PTPRD: variants seen among roughly 807,000 people sequenced by gnomAD.
PTPRD encodes receptor-type tyrosine-protein phosphatase delta.
PTPRD carries 34 observed loss-of-function variants against 214.5 expected under a neutral mutation model. The ratio of observed to expected loss-of-function variants is 0.16; its 90% CI spans 0.12 to 0.21. The LOEUF (loss-of-function observed/expected upper bound fraction) is 0.21. PTPRD is among the 10% of genes least tolerant of loss of function. The pLI is 1.00. For synonymous variants in PTPRD, 1,128 were observed against 845.7 expected, an observed-to-expected ratio of 1.33 and a Z score of -5.79; for missense variants, 2,545 against 2,398.7, an observed-to-expected ratio of 1.06 and a Z score of -1.27.
At chr9:8,723,981 T>C (rs562637871) in intron 12 of PTPRD, among the ~76,000 whole-genome samples, 12 of 152,336 alleles carry the variant, frequency 7.9e-5, no homozygotes, top group East Asian at 3.9e-4. Flanking sequence ...TGAAAACCTA[T>C]TGCAAATTGT....
chr9:9,881,477 TC>T (rs1287207973), intron 5 of PTPRD, among the ~76,000 whole-genome samples: 8 of 152,130 alleles, frequency 5.3e-5, no homozygotes, highest in Admixed American at 3.3e-4. Flanking sequence ...TTACATTATT[TC>T]TCCTCCACCG....
At chr9:10,170,725 T>G (rs990987038) in intron 3 of PTPRD, among the ~76,000 whole-genome samples, 2 of 152,164 alleles carry the variant, frequency 1.3e-5, no homozygotes, top group African/African-American at 4.8e-5. Context: ...AACAATACAG[T>G]TAGTCACAAC....
intron 2 of PTPRD, among the ~76,000 whole-genome samples, chr9:10,511,991 T>TGTGTGTATATATATATAC (rs1349180237): frequency 3.4e-5 from 2 of 58,492 alleles, no homozygotes; most frequent in Non-Finnish European, 7.2e-5. Flanking sequence ...TATATATACG[T>TGTGTGTATATATATATAC]GTGTGTATAT....
intron 2 of PTPRD, among the ~76,000 whole-genome samples, chr9:10,346,714 A>G (rs991482706): frequency 2.0e-4 from 30 of 152,116 alleles, no homozygotes; most frequent in Non-Finnish European, 1.6e-4. Context: ...TGATCTGGTA[A>G]TGAGAGAGGA....
At chr9:10,588,015 C>A (rs1172052822) in intron 2 of PTPRD, among the ~76,000 whole-genome samples, 2 of 151,908 alleles carry the variant, frequency 1.3e-5, no homozygotes, top group Non-Finnish European at 1.5e-5. Flanking sequence ...ATTCCAGTAC[C>A]AAGTAGCTAA....
At chr9:10,022,657 G>C (rs1345291266) in intron 4 of PTPRD, among the ~76,000 whole-genome samples, 1 of 152,030 alleles carries the variant, frequency 6.6e-6, no homozygotes, top group Non-Finnish European at 1.5e-5. Context: ...CTAAACTATA[G>C]GAAAAAAATC....
rs1598753569 is a variant in PTPRD at position 9,821,052 on chromosome 9, T to C, written c.-367-54201A>G. On this transcript the variant is annotated intron_variant, in intron 5 of 45. Transcript: ENST00000381196. ...TTTGATAGGAATAGCACTGAATCTG[T>C]ATATTGCTTCGGGCAGTATGTCCAT... Among the ~76,000 whole-genome samples, 4 of 152,342 alleles carry C rather than the reference T, an allele frequency of 2.6e-5. No homozygotes were observed. In the South Asian group the frequency reaches 8.3e-4, roughly 32 times the overall value.
chr9:9,728,617 A>C (rs188736547), intron 7 of PTPRD, among the ~76,000 whole-genome samples: 41 of 152,288 alleles, frequency 2.7e-4, no homozygotes, highest in African/African-American at 9.6e-4. Context: ...AAACTAAGGC[A>C]AGAGTTGAAC....
At chr9:8,698,990 G>C (rs1197293778) in intron 12 of PTPRD, among the ~76,000 whole-genome samples, 5 of 152,062 alleles carry the variant, frequency 3.3e-5, no homozygotes, top group Non-Finnish European at 5.9e-5. Context: ...TCCTTCATGA[G>C]AAAACAGCAT....
intron 3 of PTPRD, among the ~76,000 whole-genome samples, chr9:10,042,620 C>T (rs1049294143): frequency 6.6e-6 from 1 of 151,794 alleles, no homozygotes; most frequent in Admixed American, 6.6e-5. Context: ...AAGAAACTGA[C>T]AGAGATGATG....
At chr9:9,560,952 C>T (rs1444775348) in intron 8 of PTPRD, among the ~76,000 whole-genome samples, 2 of 152,084 alleles carry the variant, frequency 1.3e-5, no homozygotes, top group African/African-American at 2.4e-5. Flanking sequence ...TGGCTCCCTC[C>T]TGTCTATCTG....
chr9:8,658,192 T>A (rs1288060387), intron 12 of PTPRD, among the ~76,000 whole-genome samples: 1 of 152,216 alleles, frequency 6.6e-6, no homozygotes, highest in Non-Finnish European at 1.5e-5. Context: ...ATAACATGTA[T>A]AACAGATTTT....
At chr9:8,594,119 T>G (rs903574351) in intron 14 of PTPRD, among the ~76,000 whole-genome samples, 2 of 152,208 alleles carry the variant, frequency 1.3e-5, no homozygotes, top group African/African-American at 4.8e-5. Context: ...AGTGTTTGCT[T>G]TTTTTGCTGG....
intron 14 of PTPRD, among the ~76,000 whole-genome samples, chr9:8,632,456 T>C (rs181310532): frequency 6.6e-6 from 1 of 151,910 alleles, no homozygotes; most frequent in African/African-American, 2.4e-5. Flanking sequence ...CTCCTAAATT[T>C]TGGAACAGAG....
chr9:10,280,557 G>A lies in PTPRD; in HGVS notation c.-545+60406C>T, dbSNP rs866200063. 1.2e-4 allele frequency among the ~76,000 whole-genome samples: 18 copies of A among 152,176 alleles called. No homozygotes were observed. The South Asian group carries it at 2.3e-3, about 19-fold the overall frequency. ...AAACACACGAAGATCCTGTTACTGG[G>A]CTCCACTCCCAGAGTCTCTGATTCA... On this transcript the variant is annotated intron_variant, in intron 3 of 45. Coordinates refer to ENST00000381196, the MANE Select transcript of PTPRD (RefSeq NM_002839.4).
At position 10,369,036 on chromosome 9, in the gene PTPRD, C is replaced by T. The variant is rs144764277; in HGVS notation, c.-599-28019G>A. Among the ~76,000 whole-genome samples, 1,206 of 151,842 alleles carry T rather than the reference C, an allele frequency of 7.9e-3. 9 individuals are homozygous for T. The highest frequency in any genetic ancestry group is 0.014 in the Middle Eastern group (4 of 294). On this transcript the variant is annotated intron_variant, in intron 2 of 45. Transcript: ENST00000381196. ...TTATGTTTGATAAAATTAAGCAAAACAAAAACACAGTGCCAAGTGTCTCAA... is the reference window on the plus strand; with the variant it reads ...TTATGTTTGATAAAATTAAGCAAAATAAAAACACAGTGCCAAGTGTCTCAA...
intron 10 of PTPRD, among the ~76,000 whole-genome samples, chr9:9,161,862 A>G: frequency 6.6e-6 from 1 of 152,192 alleles, no homozygotes; most frequent in South Asian, 2.1e-4. Context: ...ACACATATAT[A>G]TATATATTTA....
intron 11 of PTPRD, among the ~76,000 whole-genome samples, chr9:8,979,750 A>G (rs528770421): frequency 6.6e-6 from 1 of 152,242 alleles, no homozygotes; most frequent in Non-Finnish European, 1.5e-5. Context: ...AATGTTGGTG[A>G]CTGGAGAAAA....
chr9:9,801,127 G>T (rs375329247), intron 5 of PTPRD, among the ~76,000 whole-genome samples: 8 of 151,974 alleles, frequency 5.3e-5, no homozygotes, highest in Admixed American at 5.3e-4. Flanking sequence ...TAAATATTAG[G>T]CACTTCCATC....
Sources: allele counts gnomAD v4.1 joint callset (sites outside exome capture counted in the v4.1 genomes callset), GRCh38; gene constraint gnomAD v4.1.1; transcripts MANE v1.5; gene names NCBI Gene and HGNC (gene_info 2026-07-23, HGNC 2026-07-21).